GALNTL6: variants seen among roughly 807,000 people sequenced by gnomAD.
The protein encoded by GALNTL6 is polypeptide N-acetylgalactosaminyltransferase-like 6.
In GALNTL6, 46 loss-of-function variants were observed where a neutral mutation model predicts 73.7. The observed-to-expected ratio is 0.62, with a 90% CI of 0.49 to 0.80. The LOEUF is 0.80. GALNTL6 is among the 30% of genes least tolerant of loss of function. GALNTL6 has a pLI of 0.00. For synonymous variants in GALNTL6, 259 were observed against 263.7 expected (o/e 0.98, Z 0.17); for missense variants, 604 against 755.0 (o/e 0.80, Z 2.34).
intron 5 of GALNTL6, among the ~76,000 whole-genome samples, chr4:172,537,161 G>T (rs766567835): frequency 6.6e-6 from 1 of 152,208 alleles, no homozygotes; most frequent in Non-Finnish European, 1.5e-5. Context: ...ATGCTGGAAT[G>T]AATGAGACTT....
chr4:172,317,671 A>G (rs1312282475), intron 4 of GALNTL6, among the ~76,000 whole-genome samples: 1 of 152,210 alleles, frequency 6.6e-6, no homozygotes, highest in East Asian at 1.9e-4. Flanking sequence ...TAGTAGAAAA[A>G]TGTGATCCGT....
intron 2 of GALNTL6, among the ~76,000 whole-genome samples, chr4:172,122,671 C>T (rs928428883): frequency 2.6e-5 from 4 of 152,184 alleles, no homozygotes; most frequent in Non-Finnish European, 4.4e-5. Flanking sequence ...CAGTTATCTC[C>T]GGTTAGGGCT....
intron 2 of GALNTL6, among the ~76,000 whole-genome samples, chr4:172,218,889 G>C (rs971630775): frequency 6.6e-6 from 1 of 151,824 alleles, no homozygotes; most frequent in African/African-American, 2.4e-5. Flanking sequence ...GTATATTCAT[G>C]TACATTGACA....
chr4:172,816,154 G>A (rs2111007384), intron 7 of GALNTL6, among the ~76,000 whole-genome samples: 1 of 152,320 alleles, frequency 6.6e-6, no homozygotes, highest in South Asian at 2.1e-4. Context: ...ATGGTTTTCT[G>A]TGGGAAGACA....
At chr4:171,853,976 A>G (rs1233124258) in intron 2 of GALNTL6, among the ~76,000 whole-genome samples, 2 of 152,186 alleles carry the variant, frequency 1.3e-5, no homozygotes, top group East Asian at 3.9e-4. Flanking sequence ...GAGGCCTTAC[A>G]TGCAGCACTG....
chr4:172,451,685 A>G (rs1398802811), intron 5 of GALNTL6, among the ~76,000 whole-genome samples: 2 of 152,154 alleles, frequency 1.3e-5, no homozygotes, highest in Non-Finnish European at 2.9e-5. Context: ...CTTGCAAGAA[A>G]AGTCATCAGC....
rs547158611 is a variant in GALNTL6 at position 172,305,691 on chromosome 4, A to T, written c.248-5923A>T. Among the ~76,000 whole-genome samples, 32 of 152,296 alleles carry T rather than the reference A, an allele frequency of 2.1e-4. No homozygotes were observed. In the South Asian group the frequency reaches 2.5e-3, roughly 12 times the overall value. ...TAAACCTTGAGGCTCTACCTATTAGAACTTAAGATGAGTTGATAGAATTTG... is the reference window on the plus strand; with the variant it reads ...TAAACCTTGAGGCTCTACCTATTAGTACTTAAGATGAGTTGATAGAATTTG... On this transcript the variant is annotated intron_variant, in intron 3 of 12. Coordinates refer to ENST00000506823, the MANE Select transcript of GALNTL6 (RefSeq NM_001034845.3).
intron 5 of GALNTL6, among the ~76,000 whole-genome samples, chr4:172,366,553 A>G (rs17058337): frequency 0.023 from 3,450 of 152,270 alleles, 123 homozygotes; most frequent in African/African-American, 0.077. Context: ...CTCCTCAAAT[A>G]CATACTCAGT....
chr4:172,397,436 C>T (rs943538937), intron 5 of GALNTL6, among the ~76,000 whole-genome samples: 4 of 152,090 alleles, frequency 2.6e-5, no homozygotes, highest in Non-Finnish European at 2.9e-5. Context: ...ATTTCTTACA[C>T]GTTCAAGGAC....
In GALNTL6 at chr4:172,263,198, T is replaced by C. The variant is rs542382087; in HGVS notation, c.247+33434T>C. Among the ~76,000 whole-genome samples the C allele has an allele frequency of 7.3e-5, 11 of 151,674 alleles. No homozygotes were observed. The South Asian group carries it at 2.3e-3, about 31-fold the overall frequency. ...AGGCCAGGGAAGTTTTCCTCAATTA[T>C]TCCCTCAAATAAGTTTTACAAACTT... On this transcript the variant is annotated intron_variant, in intron 3 of 12. Coordinates refer to ENST00000506823, the MANE Select transcript of GALNTL6 (RefSeq NM_001034845.3).
chr4:172,295,039 T>C (rs1280443032), intron 3 of GALNTL6, among the ~76,000 whole-genome samples: 3 of 152,214 alleles, frequency 2.0e-5, no homozygotes, highest in Non-Finnish European at 4.4e-5. Flanking sequence ...AAATTTTAAC[T>C]CTTATTCTAA....
intron 2 of GALNTL6, among the ~76,000 whole-genome samples, chr4:171,987,677 G>A (rs546764238): frequency 1.4e-3 from 206 of 152,290 alleles, no homozygotes; most frequent in Non-Finnish European, 2.6e-3. Context: ...AGATTTCCAC[G>A]ATGGAAAGGA....
At chr4:172,276,925 G>T (rs1203657970) in intron 3 of GALNTL6, among the ~76,000 whole-genome samples, 2 of 151,832 alleles carry the variant, frequency 1.3e-5, no homozygotes, top group Non-Finnish European at 2.9e-5. Flanking sequence ...TTAATTTAAT[G>T]GACTATTTAT....
chr4:172,613,706 T>C (rs756426871), intron 5 of GALNTL6, among the ~76,000 whole-genome samples: 1 of 152,308 alleles, frequency 6.6e-6, no homozygotes, highest in East Asian at 1.9e-4. Flanking sequence ...AAATACCATA[T>C]TTTTTGAATA....
At chr4:171,859,545 C>A (rs1308604480) in intron 2 of GALNTL6, among the ~76,000 whole-genome samples, 1 of 152,044 alleles carries the variant, frequency 6.6e-6, no homozygotes, top group South Asian at 2.1e-4. Flanking sequence ...ATCGGTTATA[C>A]TCATGGTTAT....
intron 5 of GALNTL6, among the ~76,000 whole-genome samples, chr4:172,761,662 G>GCGCT (rs1553985703): frequency 1.7e-3 from 69 of 41,044 alleles, no homozygotes; most frequent in Non-Finnish European, 1.4e-3. Flanking sequence ...CTTCGCCCTT[G>GCGCT]CTCTCTTTCT....
At chr4:172,721,986 C>CTT (rs11450428) in intron 5 of GALNTL6, among the ~76,000 whole-genome samples, 27,467 of 116,698 alleles carry the variant, frequency 0.24, 2,968 homozygotes, top group East Asian at 0.42. Flanking sequence ...TGGCGGAAGG[C>CTT]TTTTTTTTTT....
At chr4:172,724,414 C>T (rs184312829) in intron 5 of GALNTL6, among the ~76,000 whole-genome samples, 37 of 152,270 alleles carry the variant, frequency 2.4e-4, no homozygotes, top group African/African-American at 7.5e-4. Flanking sequence ...GACTAGTGAG[C>T]AGTCGATGAT....
At chr4:172,497,381 T>C (rs1311936518) in intron 5 of GALNTL6, among the ~76,000 whole-genome samples, 1 of 152,250 alleles carries the variant, frequency 6.6e-6, no homozygotes, top group Non-Finnish European at 1.5e-5. Flanking sequence ...GCAAATTCTT[T>C]GCACATCAAA....
Sources: allele counts gnomAD v4.1 joint callset (sites outside exome capture counted in the v4.1 genomes callset), GRCh38; gene constraint gnomAD v4.1.1; transcripts MANE v1.5; gene names NCBI Gene and HGNC (gene_info 2026-07-23, HGNC 2026-07-21).